CDH1: variants seen among roughly 807,000 people sequenced by gnomAD.
CDH1 encodes cadherin-1.
Under a neutral mutation model 84.5 loss-of-function variants are expected in CDH1, and 35 were observed. That is an observed-to-expected ratio of 0.41 (90% CI 0.32 to 0.55). CDH1 has a LOEUF of 0.55. CDH1 is among the 20% of genes least tolerant of loss of function. The pLI, the probability that CDH1 is intolerant of heterozygous loss-of-function variation, is 0.19. For missense variants in CDH1, 994 were observed against 1,126.6 expected (o/e 0.88, Z 1.68); for synonymous variants, 417 against 439.0 (o/e 0.95, Z 0.63).
At chr16:68,747,364 G>T (rs1288478049) in intron 2 of CDH1, among the ~76,000 whole-genome samples, 2 of 151,974 alleles carry the variant, frequency 1.3e-5, no homozygotes, top group Non-Finnish European at 2.9e-5. Flanking sequence ...GCTGGGCCAG[G>T]GTACCTCTGG....
At chr16:68,811,396 C>CAA (rs1158343325) in intron 6 of CDH1, among the ~76,000 whole-genome samples, 14 of 77,686 alleles carry the variant, frequency 1.8e-4, no homozygotes, top group South Asian at 1.0e-3. Context: ...AACTCCGTCT[C>CAA]AAAAAAAAAA....
intron 3 of CDH1, among the ~76,000 whole-genome samples, chr16:68,804,619 A>T (rs1209648583): frequency 6.6e-6 from 1 of 152,068 alleles, no homozygotes; most frequent in East Asian, 1.9e-4. Flanking sequence ...TTTGTTTTTA[A>T]TCAGAAACAA....
intron 15 of CDH1, among the ~76,000 whole-genome samples, chr16:68,832,409 G>A (rs975095756): frequency 6.6e-6 from 1 of 151,976 alleles, no homozygotes; most frequent in Non-Finnish European, 1.5e-5. Flanking sequence ...CCAGGAGGTG[G>A]AGGATGCAGT....
Position 68,745,547 on chromosome 16 carries a change from A to ATATATATATATATATGT in CDH1, c.163+7136_163+7137insTATATATATATATATGT, listed in dbSNP as rs1491171815. Among the ~76,000 whole-genome samples the ATATATATATATATATGT allele has an allele frequency of 9.4e-3, 207 of 21,968 alleles. 5 individuals carry two copies. Among genetic ancestry groups the ATATATATATATATATGT allele is most frequent in the Middle Eastern group, 0.036 (1 of 28 alleles). The allele number at this position is 21,968 out of a possible 152,430, so 14.4% of individuals were successfully genotyped here. On this transcript the variant is annotated intron_variant, in intron 2 of 15. Coordinates refer to ENST00000261769, the MANE Select transcript of CDH1 (RefSeq NM_004360.5). ...AGATCCTGTCTCAAAAAAAAAAAAAAAAATATATATATATATGTATATATA... is the reference window on the plus strand; with the variant it reads ...AGATCCTGTCTCAAAAAAAAAAAAAATATATATATATATATGTAAATATATATATATATGTATATATA...
chr16:68,806,122 A>ATATTTCTT (rs568657223), intron 3 of CDH1, among the ~76,000 whole-genome samples: 113 of 144,532 alleles, frequency 7.8e-4, no homozygotes, highest in African/African-American at 2.8e-3. Context: ...TAATTTTTGT[A>ATATTTCTT]TATTTATTTA....
chr16:68,819,429 A>AGGG lies in CDH1; in HGVS notation c.1711+7_1711+9dup, dbSNP rs762825233. 6.2e-7 allele frequency: 1 copy of AGGG among 1,613,154 alleles called. No individual in the cohort carries two copies. The highest frequency in any genetic ancestry group is 8.5e-7 in the Non-Finnish European group (1 of 1,179,950). On this transcript the variant is annotated splice_donor_region_variant and intron_variant, in intron 11 of 15. Transcript: ENST00000261769. ...CTAATCATAGCTACAGACAATGGTA[A>AGGG]GGGGGCCTCATCTGAGCCTTTGCTG... is the stretch of plus-strand genomic sequence containing the variant.
At position 68,812,150 on chromosome 16, in the gene CDH1, A is replaced by T. The variant is rs587782073; in HGVS notation, c.1024A>T (p.Thr342Ser). 11 of 1,614,014 alleles carry T rather than the reference A, an allele frequency of 6.8e-6. No homozygotes were observed. Among genetic ancestry groups the T allele is most frequent in the Non-Finnish European group, 9.3e-6 (11 of 1,180,032 alleles). Residue 342 changes from threonine (T) to serine (S), a missense_variant, in exon 8 of 16, where the codon ACC becomes TCC. By Grantham distance (58) the Thr-to-Ser change is moderately conservative. Transcript: ENST00000261769. ...CTCTCTGCAGAGTTTCCCTACGTAT[A>T]CCCTGGTGGTTCAAGCTGCTGACCT... Reference protein sequence around the residue: ...GLDRESFPTYTLVVQAADLQG... With the variant: ...GLDRESFPTYSLVVQAADLQG...
chr16:68,806,582 A>G (rs1229673549), intron 3 of CDH1, among the ~76,000 whole-genome samples: 2 of 152,194 alleles, frequency 1.3e-5, no homozygotes, highest in East Asian at 3.8e-4. Flanking sequence ...AGCACTTACT[A>G]TGTTTCAGGC....
intron 2 of CDH1, among the ~76,000 whole-genome samples, chr16:68,796,271 G>A (rs1960359370): frequency 6.6e-6 from 1 of 152,184 alleles, no homozygotes; most frequent in African/African-American, 2.4e-5. Context: ...TTTGTATGCA[G>A]GGTGGGCAAA....
At position 68,750,105 on chromosome 16, in the gene CDH1, C is replaced by A. The variant is rs537873467; in HGVS notation, c.163+11694C>A. 1.9e-4 allele frequency among the ~76,000 whole-genome samples: 28 copies of A among 145,038 alleles called. 1 individual carries two copies. Among genetic ancestry groups the A allele is most frequent in the African/African-American group, 6.7e-4 (27 of 40,020 alleles). ...GGGATTACAGGTGTGAGCCACCAGG[C>A]CTGGCCTGCCTCTCACTAATTTTGA... On this transcript the variant is annotated intron_variant, in intron 2 of 15. Transcript: ENST00000261769.
chr16:68,799,395 G>A (rs925452126), intron 2 of CDH1, among the ~76,000 whole-genome samples: 1 of 152,134 alleles, frequency 6.6e-6, no homozygotes, highest in African/African-American at 2.4e-5. Context: ...GAATGACACA[G>A]CTCCCTTCGT....
At chr16:68,760,266 ATT>A (rs11396600) in intron 2 of CDH1, among the ~76,000 whole-genome samples, 2 of 97,968 alleles carry the variant, frequency 2.0e-5, no homozygotes, top group Admixed American at 1.3e-4. Flanking sequence ...CGCCCAGCTA[ATT>A]TTTTTTTTTT....
intron 2 of CDH1, among the ~76,000 whole-genome samples, chr16:68,801,450 A>G (rs928777660): frequency 6.6e-6 from 1 of 152,142 alleles, no homozygotes; most frequent in Non-Finnish European, 1.5e-5. Flanking sequence ...AATATTTTCA[A>G]TTGACAAGAA....
At chr16:68,803,333 G>GA (rs1375030527) in intron 3 of CDH1, among the ~76,000 whole-genome samples, 6 of 152,078 alleles carry the variant, frequency 3.9e-5, no homozygotes, top group Admixed American at 6.6e-5. Flanking sequence ...TCATTCATGT[G>GA]AAAAAAACTC....
intron 2 of CDH1, among the ~76,000 whole-genome samples, chr16:68,749,903 G>T (rs942060352): frequency 6.6e-6 from 1 of 152,130 alleles, no homozygotes; most frequent in African/African-American, 2.4e-5. Context: ...TAAAGGAAAC[G>T]AATTCCCTTC....
At chr16:68,759,072 A>G (rs1963092339) in intron 2 of CDH1, among the ~76,000 whole-genome samples, 1 of 152,172 alleles carries the variant, frequency 6.6e-6, no homozygotes, top group Admixed American at 6.5e-5. Context: ...TTGGGATTAC[A>G]GGTGTGAGCC....
Position 68,811,727 on chromosome 16 carries a change from T to C in CDH1, c.876T>C (p.Asp292=), listed in dbSNP as rs1055713249. The change falls in exon 7 of 16, where the codon GAT becomes GAC. Residue 292 remains aspartate, a synonymous_variant. Coordinates refer to ENST00000261769, the MANE Select transcript of CDH1 (RefSeq NM_004360.5). ...TCACAGCCACAGACGCGGACGATGA[T>C]GTGAACACCTACAATGCCGCCATCG... ...MEVTATDADD[D]VNTYNAAIAY... is the part of the protein sequence containing the mutation. The C allele has an allele frequency of 1.2e-6, 2 of 1,614,118 alleles. No individual in the cohort carries two copies. Among genetic ancestry groups the C allele is most frequent in the Non-Finnish European group, 1.7e-6 (2 of 1,180,024 alleles).
intron 3 of CDH1, among the ~76,000 whole-genome samples, chr16:68,802,762 C>T (rs8063605): frequency 0.89 from 135,638 of 152,220 alleles, 60,728 homozygotes; most frequent in African/African-American, 0.98. Context: ...TGAGCCACTG[C>T]GCCTGGCCAA....
chr16:68,818,571 G>T (rs147350871), intron 10 of CDH1, among the ~76,000 whole-genome samples: 1 of 147,696 alleles, frequency 6.8e-6, no homozygotes, highest in East Asian at 2.0e-4. Flanking sequence ...AGTTTCGGCC[G>T]GGCGCGGTGG....
Sources: gnomAD v4.1 joint callset for allele counts (sites outside exome capture counted in the v4.1 genomes callset) on GRCh38, gnomAD v4.1.1 for gene constraint, MANE v1.5 for transcripts, NCBI Gene and HGNC (gene_info 2026-07-23, HGNC 2026-07-21) for gene names.